Variants in MCF2L observed in about 807,000 individuals in gnomAD.
The protein encoded by MCF2L is MCF.2 cell line derived transforming sequence like.
In MCF2L, 97 loss-of-function variants were observed where a neutral mutation model predicts 153.4. The ratio of observed to expected loss-of-function variants is 0.63; its 90% CI spans 0.54 to 0.75. The LOEUF is 0.75. Among genes scored for constraint, MCF2L ranks in the 30% least tolerant of loss-of-function variants. The probability of loss-of-function intolerance (pLI) is 0.00; values close to 1 mark genes in which losing one functional copy is unlikely to be tolerated. For synonymous variants in MCF2L, 659 were observed against 632.2 expected (o/e 1.04, Z -0.64); for missense variants, 1,347 against 1,495.2 (o/e 0.90, Z 1.64).
chr13:112,973,110 A>C (rs1013530511), intron 1 of MCF2L, among the ~76,000 whole-genome samples: 1 of 151,974 alleles, frequency 6.6e-6, no homozygotes, highest in African/African-American at 2.4e-5. Context: ...CTCTCAGTGG[A>C]GTAGGTGCGG....
chr13:112,996,127 T>A (rs977767553), intron 1 of MCF2L, among the ~76,000 whole-genome samples: 10 of 152,136 alleles, frequency 6.6e-5, no homozygotes, highest in Non-Finnish European at 1.3e-4. Flanking sequence ...GCCCTCGTCA[T>A]CTTCTAAGGT....
At position 113,045,008 on chromosome 13, in the gene MCF2L, A is replaced by G; in HGVS notation, c.279-263A>G. The G allele has an allele frequency of 7.5e-7, 1 of 1,339,952 alleles. No homozygotes were observed. The highest frequency in any genetic ancestry group is 1.4e-5 in the African/African-American group (1 of 69,000). The allele number at this position is 1,339,952 out of a possible 1,614,324, so 83.0% of individuals were successfully genotyped here. A position where few individuals can be genotyped will look rare whatever the true frequency, so the allele number is the denominator to read the frequency against. ...AGCTCGGGAGAGATGGTTCTGCCTC[A>G]ATCTGTGACTCGAGGTGGTTGGTGT... On this transcript the variant is annotated intron_variant, in intron 3 of 29. Transcript: ENST00000535094. The surrounding 1 kb of genome is among the most constrained non-coding windows in gnomAD (Gnocchi z 4.2).
rs1490475073 is a variant in MCF2L at position 113,024,694 on chromosome 13, G to A, written c.214G>A (p.Ala72Thr). The A allele has an allele frequency of 1.9e-6, 3 of 1,614,182 alleles. No individual in the cohort carries two copies. Among genetic ancestry groups the A allele is most frequent in the Non-Finnish European group, 2.5e-6 (3 of 1,180,040 alleles). ...GGTTATCACCTTCCCTGACTACCCGGCCTTCAGCGAGATTCCGGACAAGGA... is the reference window on the plus strand; with the variant it reads ...GGTTATCACCTTCCCTGACTACCCGACCTTCAGCGAGATTCCGGACAAGGA... ...SPVITFPDYP[A>T]FSEIPDKEFQ... Residue 72 changes from alanine to threonine, a missense_variant, in exon 3 of 30, where the codon GCC becomes ACC. Physicochemically the swap from Ala to Thr is moderately conservative, Grantham distance 58. This residue lies in a region of MCF2L where 820 missense variants were observed against 921.2 expected (regional missense o/e 0.89). Transcript: ENST00000535094.
chr13:113,064,637 CCA>C lies in MCF2L; in HGVS notation c.606+218_606+219del. The C allele has an allele frequency of 1.0e-5, 5 of 500,488 alleles. No homozygotes were observed. Among genetic ancestry groups the C allele is most frequent in the South Asian group, 3.1e-5 (1 of 31,972 alleles). The allele number at this position is 500,488 out of a possible 1,614,324, so 31.0% of individuals were successfully genotyped here. ...GAGTGGCTTTCTCTGGGCTTGGAGACCAAAAAAAAAAAAAAAACCCTTGCGTT... is the reference window on the plus strand; with the variant it reads ...GAGTGGCTTTCTCTGGGCTTGGAGACAAAAAAAAAAAAAAACCCTTGCGTT... On this transcript the variant is annotated intron_variant, in intron 6 of 29. Coordinates refer to ENST00000535094, the MANE Select transcript of MCF2L (RefSeq NM_001112732.3). The surrounding 1 kb of genome is among the most constrained non-coding windows in gnomAD (Gnocchi z 6.0).
chr13:113,067,245 G>A (rs2032520107), intron 8 of MCF2L, among the ~76,000 whole-genome samples: 2 of 151,532 alleles, frequency 1.3e-5, no homozygotes, highest in Non-Finnish European at 3.0e-5. Flanking sequence ...GATTGCACCT[G>A]GGTGGTGCAC....
At chr13:112,909,575 T>C in intron 2 of MCF2L, 2 of 436,760 alleles carry the variant, frequency 4.6e-6, no homozygotes, top group Non-Finnish European at 8.3e-6. Context: ...GAGAGTCTAA[T>C]AACCAAGAGG....
chr13:112,942,831 C>CACCT (rs1555352779), intron 2 of MCF2L, among the ~76,000 whole-genome samples: 1 of 152,160 alleles, frequency 6.6e-6, no homozygotes, highest in Non-Finnish European at 1.5e-5. Flanking sequence ...TCTCTCCACC[C>CACCT]ACCTGGTAGG....
Position 113,088,623 on chromosome 13 carries a change from C to T in MCF2L, c.2829C>T (p.Ser943=), listed in dbSNP as rs769022964. Residue 943 remains serine, a synonymous_variant, in exon 25 of 30, where the codon AGC becomes AGT. Coordinates refer to ENST00000535094, the MANE Select transcript of MCF2L (RefSeq NM_001112732.3). ...GCCTGCCCCTGCCGGCCCCGACCAG[C>T]ACCAGGTGAGAATGGACACGCTGCC... The part of the protein sequence containing the change: ...SQSLPLPAPT[S]TSPSRGNSRN... 2.1e-5 allele frequency: 34 copies of T among 1,607,048 alleles called. No homozygotes were observed. The Middle Eastern group carries it at 4.9e-4, about 23-fold the overall frequency.
chr13:113,075,224 AG>A, intron 11 of MCF2L, 35 bp downstream of exon 11: 1 of 1,546,872 alleles, frequency 6.5e-7, no homozygotes, highest in Non-Finnish European at 8.8e-7. Context: ...ACTCCCCCCC[AG>A]CTGCGGAACC....
At chr13:113,062,998 C>G (rs887145031) in intron 5 of MCF2L, among the ~76,000 whole-genome samples, 3 of 152,192 alleles carry the variant, frequency 2.0e-5, no homozygotes, top group Non-Finnish European at 1.5e-5. Context: ...TCGGCAGGAA[C>G]AGGGACAAAA....
chr13:112,971,534 C>T (rs953587791), intron 1 of MCF2L, among the ~76,000 whole-genome samples: 12 of 152,186 alleles, frequency 7.9e-5, no homozygotes, highest in Admixed American at 3.9e-4. Context: ...TCTGTAGATT[C>T]ACCCCCAACC....
At chr13:113,026,661 C>A (rs1343859326) in intron 3 of MCF2L, among the ~76,000 whole-genome samples, 2 of 152,248 alleles carry the variant, frequency 1.3e-5, no homozygotes, top group Non-Finnish European at 2.9e-5. Flanking sequence ...GGGAGCAGAG[C>A]CCGTCCACGT....
At chr13:112,946,088 T>C (rs543381735) in intron 2 of MCF2L, among the ~76,000 whole-genome samples, 5 of 152,332 alleles carry the variant, frequency 3.3e-5, no homozygotes, top group African/African-American at 1.2e-4. Flanking sequence ...CCATTTGTAT[T>C]TGTTGAAATT....
intron 2 of MCF2L, among the ~76,000 whole-genome samples, chr13:112,935,068 A>G (rs1236202956): frequency 6.6e-6 from 1 of 152,204 alleles, no homozygotes; most frequent in Non-Finnish European, 1.5e-5. Flanking sequence ...CCAGTACCTC[A>G]AACTGTGTTA....
At chr13:112,990,069 C>T (rs1021089099) in intron 1 of MCF2L, among the ~76,000 whole-genome samples, 4 of 152,214 alleles carry the variant, frequency 2.6e-5, no homozygotes. Context: ...CCACTCACCT[C>T]CTGCTTACCC....
At chr13:113,023,350 C>T (rs1335378865) in intron 2 of MCF2L, among the ~76,000 whole-genome samples, 2 of 152,212 alleles carry the variant, frequency 1.3e-5, no homozygotes, top group Non-Finnish European at 2.9e-5. Context: ...GAGCCCTGTA[C>T]TGAGGAGACG....
chr13:113,096,201 G>A, intron 27 of MCF2L, 170 bp from the exon 28 acceptor site: 2 of 619,824 alleles, frequency 3.2e-6, no homozygotes, highest in South Asian at 3.9e-5. Flanking sequence ...CGGTAGTCAT[G>A]CCCTGCGGCG....
Position 112,930,394 on chromosome 13 carries a change from A to G in MCF2L, c.169+28023A>G, listed in dbSNP as rs528229815. Among the ~76,000 whole-genome samples the G allele has an allele frequency of 7.2e-5, 11 of 152,338 alleles. No homozygotes were observed. The South Asian group carries it at 2.1e-3, about 29-fold the overall frequency. Reference sequence around the variant, plus strand: ...AATGGGCTAAGTCATGAAGAGACATAGAGGAAACTTAGATGCTTATTGCCA... The same window carrying G: ...AATGGGCTAAGTCATGAAGAGACATGGAGGAAACTTAGATGCTTATTGCCA... On this transcript the variant is annotated intron_variant, in intron 2 of 29. Transcript: ENST00000375608.
At position 113,066,369 on chromosome 13, in the gene MCF2L, T is replaced by G. The variant is rs2032361220; in HGVS notation, c.881+199T>G. On this transcript the variant is annotated intron_variant, in intron 8 of 29. Transcript: ENST00000535094. ...CTGGCTCCTCCTGCTGAAATGCTTTTCTCTCGAACCCCACAGAAAGCCACT... is the reference window on the plus strand; with the variant it reads ...CTGGCTCCTCCTGCTGAAATGCTTTGCTCTCGAACCCCACAGAAAGCCACT... Among the ~76,000 whole-genome samples, 5 of 152,136 alleles carry G rather than the reference T, an allele frequency of 3.3e-5. No individual in the cohort carries two copies. In the South Asian group the frequency reaches 1.0e-3, roughly 31 times the overall value.
Sources: gnomAD v4.1 joint callset for allele counts (sites outside exome capture counted in the v4.1 genomes callset) on GRCh38, gnomAD v4.1.1 for gene constraint, gnomAD v4.1.1 regional missense constraint, Gnocchi (gnomAD v3.1) non-coding constraint, MANE v1.5 for transcripts, NCBI Gene and HGNC (gene_info 2026-07-23, HGNC 2026-07-21) for gene names.